FIGLA: variants seen among roughly 807,000 people sequenced by gnomAD.
The protein encoded by FIGLA is factor in the germline alpha.
In FIGLA, 17 loss-of-function variants were observed where a neutral mutation model predicts 21.5. The ratio of observed to expected loss-of-function variants is 0.79; its 90% CI spans 0.54 to 1.19. FIGLA has a LOEUF of 1.19. Among genes scored for constraint, FIGLA ranks in the 50% most tolerant of loss-of-function variants. The pLI is 0.00. For missense variants in FIGLA, 282 were observed against 285.0 expected (o/e 0.99, Z 0.08); for synonymous variants, 129 against 117.6 (o/e 1.10, Z -0.63).
intron 2 of FIGLA, 63 bp downstream of exon 2, chr2:70,787,586 C>A (rs1241990669): frequency 6.9e-7 from 1 of 1,457,702 alleles, no homozygotes; most frequent in African/African-American, 1.4e-5. Flanking sequence ...GGCACAGTGT[C>A]TCGTACATAG....
chr2:70,777,928 C>T (rs1282133905), intron 3 of FIGLA, among the ~76,000 whole-genome samples: 10 of 152,116 alleles, frequency 6.6e-5, no homozygotes, highest in African/African-American at 7.2e-5. Context: ...GTTTTACTAA[C>T]GTGGCAAGAT....
chr2:70,785,837 G>A (rs1675944849), intron 2 of FIGLA, among the ~76,000 whole-genome samples, 198 bp from the exon 3 acceptor site: 1 of 152,138 alleles, frequency 6.6e-6, no homozygotes, highest in Non-Finnish European at 1.5e-5. Flanking sequence ...TATGCAATAG[G>A]TAACTGCATT....
At chr2:70,784,395 G>A (rs150900603) in intron 3 of FIGLA, among the ~76,000 whole-genome samples, 2 of 152,190 alleles carry the variant, frequency 1.3e-5, no homozygotes, top group Admixed American at 6.5e-5. Context: ...TCCAAGTGAC[G>A]TGACAGGTAT....
At chr2:70,777,616 T>C in intron 4 of FIGLA, 21 bp downstream of exon 4, 2 of 1,601,710 alleles carry the variant, frequency 1.2e-6, no homozygotes, top group Non-Finnish European at 1.7e-6. Flanking sequence ...GCACTATGCA[T>C]CAGGTTATAG....
At chr2:70,778,199 T>C (rs1008285640) in intron 3 of FIGLA, among the ~76,000 whole-genome samples, 1 of 152,234 alleles carries the variant, frequency 6.6e-6, no homozygotes, top group African/African-American at 2.4e-5. Context: ...CTTAACACTA[T>C]CACCCACATC....
chr2:70,779,054 A>G (rs1195995685), intron 3 of FIGLA, among the ~76,000 whole-genome samples: 1 of 152,192 alleles, frequency 6.6e-6, no homozygotes, highest in Non-Finnish European at 1.5e-5. Context: ...TCACAGCACC[A>G]GCCCCTAAAT....
At chr2:70,778,275 C>T (rs990553218) in intron 3 of FIGLA, among the ~76,000 whole-genome samples, 2 of 152,132 alleles carry the variant, frequency 1.3e-5, no homozygotes, top group Non-Finnish European at 1.5e-5. Flanking sequence ...CCTTAGTTTC[C>T]TCACATGTAA....
At position 70,790,377 on chromosome 2, in the gene FIGLA, G is replaced by A. The variant is rs538528747; in HGVS notation, c.231+31C>T. ...GTTTGGTGGTAGAGCAGGGAAGGGG[G>A]GAACGGACGTCGACCCTAGGGATCC... On this transcript the variant is annotated intron_variant, in intron 1 of 4. Transcript: ENST00000332372. 4.8e-5 allele frequency: 72 copies of A among 1,493,390 alleles called. No individual in the cohort carries two copies. In the African/African-American group the frequency reaches 8.2e-4, roughly 17 times the overall value. The allele number at this position is 1,493,390 out of a possible 1,614,324, so 92.5% of individuals were successfully genotyped here. A position where few individuals can be genotyped will look rare whatever the true frequency, so the allele number is the denominator to read the frequency against.
At chr2:70,789,161 T>C (rs1245809000) in intron 1 of FIGLA, among the ~76,000 whole-genome samples, 15 of 151,386 alleles carry the variant, frequency 9.9e-5, no homozygotes, top group African/African-American at 3.4e-4. Flanking sequence ...AAAAATTATA[T>C]ATATATATAT....
chr2:70,784,354 T>C (rs1223936705), intron 3 of FIGLA, among the ~76,000 whole-genome samples: 2 of 152,172 alleles, frequency 1.3e-5, no homozygotes, highest in Non-Finnish European at 2.9e-5. Flanking sequence ...TCAATGTTGA[T>C]TGCTCATGAG....
intron 1 of FIGLA, among the ~76,000 whole-genome samples, chr2:70,789,247 C>T (rs1390073426): frequency 6.6e-6 from 1 of 152,034 alleles, no homozygotes; most frequent in African/African-American, 2.4e-5. Context: ...TGTGTTGTGT[C>T]TCTTAACTTC....
intron 3 of FIGLA, among the ~76,000 whole-genome samples, chr2:70,779,922 G>T (rs2024456): frequency 6.6e-6 from 1 of 151,986 alleles, no homozygotes; most frequent in Non-Finnish European, 1.5e-5. Context: ...ACAGCGAACA[G>T]CCTGCCATCT....
At chr2:70,778,784 T>G (rs1675807117) in intron 3 of FIGLA, among the ~76,000 whole-genome samples, 1 of 152,124 alleles carries the variant, frequency 6.6e-6, no homozygotes, top group Admixed American at 6.5e-5. Context: ...AAGAAGAGGG[T>G]AGTCTGGAGA....
chr2:70,782,348 C>T (rs1675871102), intron 3 of FIGLA, among the ~76,000 whole-genome samples: 1 of 152,174 alleles, frequency 6.6e-6, no homozygotes, highest in African/African-American at 2.4e-5. Flanking sequence ...CGAAAGGAAA[C>T]AGACAAATGC....
At chr2:70,777,701 G>A (rs1231018534) in intron 3 of FIGLA, 30 bp from the exon 4 acceptor site, 3 of 1,139,262 alleles carry the variant, frequency 2.6e-6, no homozygotes, top group Admixed American at 1.8e-5. Flanking sequence ...TACAGAAAGG[G>A]CTAAACACAT....
rs932619537 is a variant in FIGLA, at chr2:70,790,497, G to T, written c.142C>A (p.Arg48=). 17 of 1,542,988 alleles carry T rather than the reference G, an allele frequency of 1.1e-5. No homozygotes were observed. In the Admixed American group the frequency reaches 2.2e-4, roughly 20 times the overall value. The change falls in exon 1 of 5, where the codon CGG becomes AGG. Residue 48 remains arginine (R), a synonymous_variant. Transcript: ENST00000332372. ...PQLAAVCRLK[R]LPSGGYSSTE... ...GACGAGTAGCCGCCCGAGGGCAGCC[G>T]CTTGAGCCGGCAGACAGCGGCCAGC...
chr2:70,783,000 G>A (rs941180774), intron 3 of FIGLA, among the ~76,000 whole-genome samples: 8 of 151,054 alleles, frequency 5.3e-5, no homozygotes, highest in African/African-American at 2.0e-4. Context: ...GGAGGTTGCA[G>A]TGAGTCGAGA....
intron 1 of FIGLA, among the ~76,000 whole-genome samples, chr2:70,789,018 T>C (rs139117377): frequency 5.9e-5 from 9 of 152,320 alleles, no homozygotes; most frequent in Non-Finnish European, 1.2e-4. Flanking sequence ...AGAGACTGAA[T>C]ACATTATGGT....
rs539307950 is a variant in FIGLA at position 70,779,628 on chromosome 2, C to T, written c.610-1957G>A. 5.9e-5 allele frequency among the ~76,000 whole-genome samples: 9 copies of T among 152,298 alleles called. No homozygotes were observed. The East Asian group carries it at 1.7e-3, about 29-fold the overall frequency. ...CACAGGATTCTTTCTCTCAGAAACTCTTTCAAGGAACATTCCCATGACATG... is the reference window on the plus strand; with the variant it reads ...CACAGGATTCTTTCTCTCAGAAACTTTTTCAAGGAACATTCCCATGACATG... On this transcript the variant is annotated intron_variant, in intron 3 of 4. Coordinates refer to ENST00000332372, the MANE Select transcript of FIGLA (RefSeq NM_001004311.3).
Sources: gnomAD v4.1 joint callset for allele counts (sites outside exome capture counted in the v4.1 genomes callset) on GRCh38, gnomAD v4.1.1 for gene constraint, MANE v1.5 for transcripts, NCBI Gene and HGNC (gene_info 2026-07-23, HGNC 2026-07-21) for gene names.